LRCH4: variants seen among roughly 807,000 people sequenced by gnomAD.
LRCH4 encodes the protein leucine-rich repeat and calponin homology domain-containing protein 4.
Under a neutral mutation model 81.2 loss-of-function variants are expected in LRCH4, and 56 were observed. That is an observed-to-expected ratio of 0.69 (90% CI 0.56 to 0.86). The LOEUF (loss-of-function observed/expected upper bound fraction) is 0.86, where lower values mean the gene tolerates loss of function less well. LRCH4 is among the 40% of genes least tolerant of loss of function. The pLI, the probability that LRCH4 is intolerant of heterozygous loss-of-function variation, is 0.00. For missense variants in LRCH4, 895 were observed against 922.8 expected (o/e 0.97, Z 0.39); for synonymous variants, 442 against 409.7 (o/e 1.08, Z -0.95).
Position 100,577,708 on chromosome 7 carries a change from C to A in LRCH4, c.1072G>T (p.Asp358Tyr). The change falls in exon 9 of 18, where the codon GAC (aspartate) becomes TAC (tyrosine). Residue 358 changes from aspartate to tyrosine, a missense_variant. Physicochemically the swap from Asp to Tyr is radical, Grantham distance 160. Coordinates refer to ENST00000310300, the MANE Select transcript of LRCH4 (RefSeq NM_002319.5). The surrounding 1 kb of genome is among the most constrained non-coding windows in gnomAD (Gnocchi z 6.7). ...TCATCCTCCCCGGGGACATGGCTGT[C>A]GATGAAGTCAATCTGCACAGGGTCT... ...DGDPVQIDFI[D>Y]SHVPGEDEER... 1 of 1,614,032 alleles carries A rather than the reference C, an allele frequency of 6.2e-7. No individual in the cohort carries two copies. Among genetic ancestry groups the A allele is most frequent in the Non-Finnish European group, 8.5e-7 (1 of 1,180,012 alleles).
rs1186273615 is a variant in LRCH4, at chr7:100,577,471, G to A, written c.1178+26C>T. 6.2e-7 allele frequency: 1 copy of A among 1,605,736 alleles called. No individual in the cohort carries two copies. The highest frequency in any genetic ancestry group is 1.1e-5 in the South Asian group (1 of 91,086). ...TTGGGGGGTGGGAGGATCGGGCAGT[G>A]GCGTCAGTTTGGGGGCTTGGGGTAC... On this transcript the variant is annotated intron_variant, in intron 10 of 17. Coordinates refer to ENST00000310300, the MANE Select transcript of LRCH4 (RefSeq NM_002319.5). This position sits in a 1 kb window ranked among gnomAD's most constrained non-coding sequence, Gnocchi z 6.7.
Position 100,578,440 on chromosome 7 carries a change from C to T in LRCH4, c.807G>A (p.Leu269=). The change falls in exon 6 of 18, where the codon CTG becomes CTA. Residue 269 remains leucine, a synonymous_variant. Transcript: ENST00000310300. This position sits in a 1 kb window ranked among gnomAD's most constrained non-coding sequence, Gnocchi z 5.7. ...STEAGQRGSA[L]GDLAPSRPPS... is the part of the protein sequence containing the mutation. The stretch of plus-strand genomic sequence containing the variant: ...GGGGCCGAGAAGGGGCCAGGTCCCC[C>T]AGGGCCGACCCACGCTGCCCGGCCT... The T allele has an allele frequency of 3.1e-6, 5 of 1,614,088 alleles. No individual in the cohort carries two copies. Among genetic ancestry groups the T allele is most frequent in the Non-Finnish European group, 4.2e-6 (5 of 1,179,994 alleles).
At position 100,581,142 on chromosome 7, in the gene LRCH4, G is replaced by C. The variant is rs112759041; in HGVS notation, c.598+635C>G. Among the ~76,000 whole-genome samples, 66 of 152,324 alleles carry C rather than the reference G, an allele frequency of 4.3e-4. 1 individual carries two copies. Among genetic ancestry groups the C allele is most frequent in the African/African-American group, 1.6e-3 (65 of 41,578 alleles). On this transcript the variant is annotated intron_variant, in intron 4 of 17. Transcript: ENST00000310300. ...CTGGGTGACCTTGAAGGCCCCTTCT[G>C]ACCTTGCCAGTCTACCTAGAGCTGA...
intron 4 of LRCH4, among the ~76,000 whole-genome samples, chr7:100,581,032 G>A (rs189770088): frequency 5.3e-5 from 8 of 152,370 alleles, no homozygotes; most frequent in Non-Finnish European, 1.0e-4. Context: ...CCTGGGCTCT[G>A]GCACTGGCCC....
At position 100,578,333 on chromosome 7, in the gene LRCH4, G is replaced by A. The variant is rs1801435110; in HGVS notation, c.848+66C>T. The A allele has an allele frequency of 6.2e-7, 1 of 1,600,520 alleles. No homozygotes were observed. Among genetic ancestry groups the A allele is most frequent in the South Asian group, 1.1e-5 (1 of 90,804 alleles). On this transcript the variant is annotated intron_variant, in intron 6 of 17. Transcript: ENST00000310300. The surrounding 1 kb of genome is among the most constrained non-coding windows in gnomAD (Gnocchi z 5.7). Reference sequence around the variant, plus strand: ...CCCATCCTCCTGCCAGAAAGCAGGGGGTGCCTGGGGCCGGGAAGGGGCATT... The same window carrying A: ...CCCATCCTCCTGCCAGAAAGCAGGGAGTGCCTGGGGCCGGGAAGGGGCATT...
At chr7:100,576,087 C>A (rs1801349387) in intron 15 of LRCH4, 79 bp from the exon 16 acceptor site, 20 of 1,517,326 alleles carry the variant, frequency 1.3e-5, no homozygotes, top group Admixed American at 3.8e-5. Flanking sequence ...GGGCTCAGGG[C>A]TAGCAGGGAA....
chr7:100,585,655 C>T (rs1801711151), intron 1 of LRCH4, among the ~76,000 whole-genome samples: 1 of 152,118 alleles, frequency 6.6e-6, no homozygotes, highest in Admixed American at 6.5e-5. Context: ...GGAATCTCTC[C>T]CAACGCTCGG....
Position 100,575,981 on chromosome 7 carries a change from G to A in LRCH4, c.1666C>T (p.Leu556=), listed in dbSNP as rs1281410714. Residue 556 remains leucine, a synonymous_variant, in exon 16 of 18, where the codon CTG becomes TTG. Coordinates refer to ENST00000310300, the MANE Select transcript of LRCH4 (RefSeq NM_002319.5). The surrounding 1 kb of genome is among the most constrained non-coding windows in gnomAD (Gnocchi z 5.3). ...QVLESRLQRP[L]PEDLAEALAS... ...AGAGCCTCGGCCAGGTCCTCAGGCA[G>A]GGGCCGCTGCAGCCGGGACTCAAGG... 1.2e-6 allele frequency: 2 copies of A among 1,607,524 alleles called. No individual in the cohort carries two copies. Among genetic ancestry groups the A allele is most frequent in the Non-Finnish European group, 8.5e-7 (1 of 1,179,072 alleles).
Position 100,584,669 on chromosome 7 carries a change from T to G in LRCH4, c.220+1212A>C, listed in dbSNP as rs1201835295. ...AAGGGGCAGGAATGGCTCCTGGAGC[T>G]CACTCATTCCCCATCTCAAGTGTTG... On this transcript the variant is annotated intron_variant, in intron 1 of 17. Coordinates refer to ENST00000310300, the MANE Select transcript of LRCH4 (RefSeq NM_002319.5). 3 of 456,444 alleles carry G rather than the reference T, an allele frequency of 6.6e-6. No individual in the cohort carries two copies. In the East Asian group the frequency reaches 2.1e-4, roughly 32 times the overall value. The allele number at this position is 456,444 out of a possible 1,614,324, so 28.3% of individuals were successfully genotyped here.
chr7:100,578,699 A>G lies in LRCH4; in HGVS notation c.686T>C (p.Leu229Pro). The G allele has an allele frequency of 6.2e-7, 1 of 1,614,166 alleles. No homozygotes were observed. The highest frequency in any genetic ancestry group is 8.5e-7 in the Non-Finnish European group (1 of 1,180,008). ...IPVSFCRLRH[L>P]QVILLDSNPL... ...GTTGCTGTCCAGCAGAATGACCTGC[A>G]GGTGCCTCAGGCGGCAGAAGGAGAC... is the stretch of plus-strand genomic sequence containing the variant. Residue 229 changes from leucine (L) to proline (P), a missense_variant, in exon 5 of 18, where the codon CTG becomes CCG. Leu to Pro is a moderately conservative substitution (Grantham distance 98). This residue lies in a region of LRCH4 where 360 missense variants were observed against 397.0 expected (regional missense o/e 0.91). Transcript: ENST00000310300. This position sits in a 1 kb window ranked among gnomAD's most constrained non-coding sequence, Gnocchi z 5.7.
At position 100,582,526 on chromosome 7, in the gene LRCH4, C is replaced by A. The variant is rs1322917192; in HGVS notation, c.221-67G>T. The A allele has an allele frequency of 1.3e-5, 20 of 1,513,416 alleles. No homozygotes were observed. Among genetic ancestry groups the A allele is most frequent in the Non-Finnish European group, 2.7e-6 (3 of 1,121,696 alleles). The allele number at this position is 1,513,416 out of a possible 1,614,324, so 93.7% of individuals were successfully genotyped here. On this transcript the variant is annotated intron_variant, in intron 1 of 17. Transcript: ENST00000310300. This position sits in a 1 kb window ranked among gnomAD's most constrained non-coding sequence, Gnocchi z 5.0. ...AGCCCGGACAGGACCTTCAGTCCCC[C>A]CAGAGCCGGCTGCCCACTCCCTCAC...
Position 100,578,929 on chromosome 7 carries a change from G to A in LRCH4, c.599-143C>T. 1 of 783,922 alleles carries A rather than the reference G, an allele frequency of 1.3e-6. No individual in the cohort carries two copies. Among genetic ancestry groups the A allele is most frequent in the South Asian group, 1.8e-5 (1 of 55,060 alleles). The allele number at this position is 783,922 out of a possible 1,614,324, so 48.6% of individuals were successfully genotyped here. A position where few individuals can be genotyped will look rare whatever the true frequency, so the allele number is the denominator to read the frequency against. ...CTGGGTGGCTCAAGTCATTCCCCGGGAGAAACCTCCCTGCTCCTCTCTCCA... is the reference window on the plus strand; with the variant it reads ...CTGGGTGGCTCAAGTCATTCCCCGGAAGAAACCTCCCTGCTCCTCTCTCCA... On this transcript the variant is annotated intron_variant, in intron 4 of 17. Coordinates refer to ENST00000310300, the MANE Select transcript of LRCH4 (RefSeq NM_002319.5). This position sits in a 1 kb window ranked among gnomAD's most constrained non-coding sequence, Gnocchi z 5.7.
At chr7:100,576,086 G>A (rs986069211) in intron 15 of LRCH4, 78 bp from the exon 16 acceptor site, 2 of 1,516,912 alleles carry the variant, frequency 1.3e-6, no homozygotes, top group Middle Eastern at 2.0e-4. Context: ...GGGGCTCAGG[G>A]CTAGCAGGGA....
rs775576673 is a variant in LRCH4, at chr7:100,575,098, T to C, written c.*9A>G. ...AGGGAAAGGGGTGAGGGAGGGCCGA[T>C]TTTGGGGCCTAGGAACCCAGGAGCC... is the stretch of plus-strand genomic sequence containing the variant. On this transcript the variant is annotated 3_prime_UTR_variant, in exon 18 of 18. Transcript: ENST00000310300. This position sits in a 1 kb window ranked among gnomAD's most constrained non-coding sequence, Gnocchi z 5.3. The C allele has an allele frequency of 2.5e-6, 4 of 1,601,310 alleles. No individual in the cohort carries two copies. The African/African-American group carries it at 4.0e-5, about 16-fold the overall frequency.
At position 100,578,189 on chromosome 7, in the gene LRCH4, A is replaced by T; in HGVS notation, c.918T>A (p.Asp306Glu). The T allele has an allele frequency of 1.2e-6, 2 of 1,614,096 alleles. No individual in the cohort carries two copies. Among genetic ancestry groups the T allele is most frequent in the Non-Finnish European group, 1.7e-6 (2 of 1,179,998 alleles). The change falls in exon 7 of 18, where the codon GAT (aspartate) becomes GAA (glutamate). Residue 306 changes from aspartate (D) to glutamate (E), a missense_variant. Asp to Glu is a conservative substitution (Grantham distance 45). This residue lies in a region of LRCH4 where 6 missense variants were observed against 20.9 expected (regional missense o/e 0.29). Transcript: ENST00000310300. This position sits in a 1 kb window ranked among gnomAD's most constrained non-coding sequence, Gnocchi z 5.7. ...GGLDSGFHSV[D>E]SGSKRWSGNE... is the part of the protein sequence containing the mutation. ...TTCCAGACCACCTCTTGCTGCCACTATCAACGCTGTGGAAGCCTGAGTCCA... is the reference window on the plus strand; with the variant it reads ...TTCCAGACCACCTCTTGCTGCCACTTTCAACGCTGTGGAAGCCTGAGTCCA...
chr7:100,576,366 CACT>C (rs1188359338), intron 14 of LRCH4, 43 bp from the exon 15 acceptor site: 2 of 1,423,952 alleles, frequency 1.4e-6, no homozygotes, highest in Admixed American at 1.7e-5. Context: ...CACTGCTCAC[CACT>C]GACTCTGTAG....
Position 100,577,630 on chromosome 7 carries a change from C to T in LRCH4, c.1116+34G>A, listed in dbSNP as rs745343263. ...CCTGCCCTGTCCCCTCCTCCAGCTC[C>T]CCTCCCTTGGGAGAGGCATAGCTGG... On this transcript the variant is annotated intron_variant, in intron 9 of 17. Coordinates refer to ENST00000310300, the MANE Select transcript of LRCH4 (RefSeq NM_002319.5). This position sits in a 1 kb window ranked among gnomAD's most constrained non-coding sequence, Gnocchi z 6.7. 1.9e-6 allele frequency: 3 copies of T among 1,612,568 alleles called. No homozygotes were observed. The highest frequency in any genetic ancestry group is 1.3e-5 in the African/African-American group (1 of 74,920).
At position 100,575,192 on chromosome 7, in the gene LRCH4, G is replaced by T. The variant is rs766041503; in HGVS notation, c.1967C>A (p.Pro656His). ...GGKALPPLWP[P>H]SGLGGFVVFY... ...GACGACGAAGCCGCCCAGACCAGAG[G>T]GGGGCCAGAGGGGCGGTAGGGCCTT... The change falls in exon 18 of 18, where the codon CCC becomes CAC. Residue 656 changes from proline (P) to histidine (H), a missense_variant. By Grantham distance (77) the Pro-to-His change is moderately conservative (BLOSUM62 -2). Transcript: ENST00000310300. This position sits in a 1 kb window ranked among gnomAD's most constrained non-coding sequence, Gnocchi z 5.3. 7 of 1,612,832 alleles carry T rather than the reference G, an allele frequency of 4.3e-6. No individual in the cohort carries two copies. The highest frequency in any genetic ancestry group is 3.3e-5 in the South Asian group (3 of 90,916).
chr7:100,575,308 G>C lies in LRCH4; in HGVS notation c.1855-4C>G. The C allele has an allele frequency of 1.3e-6, 2 of 1,537,708 alleles. No individual in the cohort carries two copies. Among genetic ancestry groups the C allele is most frequent in the Middle Eastern group, 1.7e-4 (1 of 5,890 alleles). ...CCGAGGGCGAGCACAGGTCAGCCTGGGGGAGAGGAGAGCAGGTGGACAAGG... is the reference window on the plus strand; with the variant it reads ...CCGAGGGCGAGCACAGGTCAGCCTGCGGGAGAGGAGAGCAGGTGGACAAGG... On this transcript the variant is annotated splice_polypyrimidine_tract_variant and splice_region_variant and intron_variant, in intron 17 of 17. Transcript: ENST00000310300. The surrounding 1 kb of genome is among the most constrained non-coding windows in gnomAD (Gnocchi z 5.3).
Sources: gnomAD v4.1 joint callset for allele counts (sites outside exome capture counted in the v4.1 genomes callset) on GRCh38, gnomAD v4.1.1 for gene constraint, gnomAD v4.1.1 regional missense constraint, Gnocchi (gnomAD v3.1) non-coding constraint, MANE v1.5 for transcripts, NCBI Gene and HGNC (gene_info 2026-07-23, HGNC 2026-07-21) for gene names.